Variants in CYP39A1 observed in about 807,000 individuals in gnomAD.
CYP39A1 encodes the protein 24-hydroxycholesterol 7-alpha-hydroxylase.
A neutral mutation model predicts 58.1 loss-of-function variants in CYP39A1; 49 were observed. The ratio of observed to expected loss-of-function variants is 0.84; its 90% confidence interval spans 0.67 to 1.07. The LOEUF (loss-of-function observed/expected upper bound fraction) is 1.07, where lower values mean the gene tolerates loss of function less well. CYP39A1 is among the 50% of genes least tolerant of loss of function. The pLI, the probability that CYP39A1 is intolerant of heterozygous loss-of-function variation, is 0.00. For synonymous variants in CYP39A1, 209 were observed against 187.6 expected (o/e 1.11, Z -0.93); for missense variants, 531 against 539.4 (o/e 0.98, Z 0.16).
intron 1 of CYP39A1, among the ~76,000 whole-genome samples, chr6:46,646,450 T>A (rs1362758261): frequency 6.6e-6 from 1 of 152,112 alleles, no homozygotes; most frequent in Non-Finnish European, 1.5e-5. Context: ...TCTTTTCATA[T>A]ACTGATAAAT....
intron 7 of CYP39A1, among the ~76,000 whole-genome samples, chr6:46,617,532 T>A (rs1774685656): frequency 1.3e-5 from 2 of 152,020 alleles, no homozygotes; most frequent in African/African-American, 4.8e-5. Context: ...AAGATTAAAG[T>A]GGAAGCAACT....
chr6:46,551,757 C>T (rs1770409195), intron 11 of CYP39A1, among the ~76,000 whole-genome samples: 1 of 152,170 alleles, frequency 6.6e-6, no homozygotes, highest in Non-Finnish European at 1.5e-5. Context: ...TCAGGACATG[C>T]TTTGACAACC....
chr6:46,559,110 T>C (rs1770829638), intron 10 of CYP39A1, among the ~76,000 whole-genome samples: 1 of 151,886 alleles, frequency 6.6e-6, no homozygotes. Context: ...AAAGAATTAA[T>C]ATTTGGGCAG....
At chr6:46,608,753 T>A (rs566734574) in intron 7 of CYP39A1, among the ~76,000 whole-genome samples, 194 of 152,180 alleles carry the variant, frequency 1.3e-3, no homozygotes, top group South Asian at 2.7e-3. Context: ...TAGCTGGGAC[T>A]ACAGGCACTT....
intron 11 of CYP39A1, among the ~76,000 whole-genome samples, chr6:46,551,657 A>G (rs1366340051): frequency 6.6e-6 from 1 of 152,168 alleles, no homozygotes; most frequent in Non-Finnish European, 1.5e-5. Context: ...AGATTCTAGC[A>G]TTTGATTTTT....
chr6:46,642,202 C>G lies in CYP39A1; in HGVS notation c.274G>C (p.Asp92His), dbSNP rs1364838647. Reference protein sequence around the residue: ...INVFLKSKKVDFELAVQNIVY... With the variant: ...INVFLKSKKVHFELAVQNIVY... ...ATATTTTGCACTGCTAGTTCAAAAT[C>G]TACTTTTTTGGATTTTAGAAACACA... Residue 92 changes from aspartate (D) to histidine (H), a missense_variant, in exon 2 of 12, where the codon GAT becomes CAT. Asp to His is a moderately conservative substitution (Grantham distance 81). Coordinates refer to ENST00000275016, the MANE Select transcript of CYP39A1 (RefSeq NM_016593.5). The G allele has an allele frequency of 6.2e-7, 1 of 1,612,770 alleles. No homozygotes were observed. The highest frequency in any genetic ancestry group is 8.5e-7 in the Non-Finnish European group (1 of 1,179,380).
chr6:46,634,173 T>C (rs1775824341), intron 5 of CYP39A1, among the ~76,000 whole-genome samples: 1 of 152,188 alleles, frequency 6.6e-6, no homozygotes. Context: ...AGTGCTGTTC[T>C]CGTGATGGTG....
chr6:46,589,792 T>C (rs1403639148), intron 8 of CYP39A1, among the ~76,000 whole-genome samples: 1 of 152,052 alleles, frequency 6.6e-6, no homozygotes, highest in East Asian at 1.9e-4. Context: ...AGAGCAGGGT[T>C]GGGGGCAGCA....
intron 10 of CYP39A1, among the ~76,000 whole-genome samples, chr6:46,572,760 C>T (rs956850529): frequency 6.6e-5 from 10 of 152,194 alleles, no homozygotes; most frequent in African/African-American, 2.2e-4. Flanking sequence ...GTTTCTTCCC[C>T]TTTCTCAATC....
intron 8 of CYP39A1, among the ~76,000 whole-genome samples, chr6:46,594,602 TC>T (rs1237951282): frequency 9.9e-5 from 15 of 151,950 alleles, no homozygotes; most frequent in Admixed American, 9.2e-4. Flanking sequence ...AAACTGGACA[TC>T]CACATTTATA....
At chr6:46,589,652 C>A (rs369423675) in intron 8 of CYP39A1, among the ~76,000 whole-genome samples, 9 of 151,926 alleles carry the variant, frequency 5.9e-5, no homozygotes, top group East Asian at 1.9e-4. Context: ...TTTGCAGGTA[C>A]CTTCTATCAT....
rs766502092 is a variant in CYP39A1 at position 46,553,854 on chromosome 6, C to T, written c.1251G>A (p.Arg417=). ...TCTGAACCTCTAACAGAGCAAACCA[C>T]CTGGAAGAAACGAATAAAATTGTTA... ...FGSGKFQCPA[R]WFALLEVQMC... The change falls in exon 11 of 12, where the codon AGG becomes AGA. Residue 417 remains arginine (R), a splice_region_variant and synonymous_variant. Transcript: ENST00000275016. The T allele has an allele frequency of 3.8e-6, 6 of 1,583,212 alleles. No individual in the cohort carries two copies. The highest frequency in any genetic ancestry group is 2.3e-5 in the South Asian group (2 of 86,866).
chr6:46,550,540 T>G, intron 11 of CYP39A1, 103 bp from the exon 12 acceptor site: 2 of 1,085,204 alleles, frequency 1.8e-6, no homozygotes, highest in South Asian at 1.8e-5. Flanking sequence ...AGTACAAAAT[T>G]TAGGTTTTTC....
At chr6:46,609,899 A>C (rs1252824377) in intron 7 of CYP39A1, among the ~76,000 whole-genome samples, 3 of 152,220 alleles carry the variant, frequency 2.0e-5, no homozygotes, top group Non-Finnish European at 2.9e-5. Flanking sequence ...ATGTTGTGTA[A>C]GATAAAATAT....
chr6:46,629,677 A>G (rs980328793), intron 6 of CYP39A1, among the ~76,000 whole-genome samples: 1 of 152,210 alleles, frequency 6.6e-6, no homozygotes, highest in African/African-American at 2.4e-5. Context: ...TAAATAAATA[A>G]TACTTAAAAC....
intron 10 of CYP39A1, among the ~76,000 whole-genome samples, chr6:46,577,746 T>A (rs1330449671): frequency 6.7e-6 from 1 of 150,090 alleles, no homozygotes. Context: ...TAAATATGCA[T>A]GAATCTAATG....
chr6:46,636,991 G>T (rs145055435), intron 4 of CYP39A1, among the ~76,000 whole-genome samples: 1 of 152,116 alleles, frequency 6.6e-6, no homozygotes, highest in Non-Finnish European at 1.5e-5. Flanking sequence ...ATTAGGAGGT[G>T]GGGGTCTTTG....
chr6:46,639,748 G>C, intron 2 of CYP39A1, 80 bp from the exon 3 acceptor site: 1 of 1,256,580 alleles, frequency 8.0e-7, no homozygotes, highest in Non-Finnish European at 1.1e-6. Context: ...CTATTATTTG[G>C]TCAGCAGGGA....
At chr6:46,583,984 C>T (rs771486984) in intron 10 of CYP39A1, among the ~76,000 whole-genome samples, 30 of 152,056 alleles carry the variant, frequency 2.0e-4, no homozygotes, top group African/African-American at 2.7e-4. Context: ...AATAAATTGG[C>T]GCCTGGAACA....
Sources: gnomAD v4.1 joint callset for allele counts (sites outside exome capture counted in the v4.1 genomes callset) on GRCh38, gnomAD v4.1.1 for gene constraint, MANE v1.5 for transcripts, NCBI Gene and HGNC (gene_info 2026-07-23, HGNC 2026-07-21) for gene names.